Variants in ANKS1B observed in about 807,000 individuals in gnomAD.
ANKS1B encodes the protein ankyrin repeat and sterile alpha motif domain containing 1B.
Under a neutral mutation model 148.3 loss-of-function variants are expected in ANKS1B, and 36 were observed. The observed-to-expected ratio is 0.24, with a 90% CI of 0.19 to 0.32. The LOEUF (loss-of-function observed/expected upper bound fraction) is 0.32, where lower values mean the gene tolerates loss of function less well. ANKS1B is among the 10% of genes least tolerant of loss of function. ANKS1B has a pLI of 1.00. For synonymous variants in ANKS1B, 542 were observed against 560.8 expected (o/e 0.97, Z 0.47); for missense variants, 1,157 against 1,542.6 (o/e 0.75, Z 4.19).
chr12:99,582,911 T>C (rs775651470), intron 9 of ANKS1B, among the ~76,000 whole-genome samples: 1 of 152,188 alleles, frequency 6.6e-6, no homozygotes, highest in African/African-American at 2.4e-5. Context: ...TTGATGGCTA[T>C]ATTTTACAAA....
intron 9 of ANKS1B, among the ~76,000 whole-genome samples, chr12:99,610,200 C>G (rs1017527218): frequency 3.3e-5 from 5 of 152,118 alleles, no homozygotes; most frequent in African/African-American, 1.2e-4. Context: ...AAGAGGAAAA[C>G]TGTCCATTTT....
chr12:98,852,628 G>A (rs2099536161), intron 17 of ANKS1B, among the ~76,000 whole-genome samples: 1 of 152,132 alleles, frequency 6.6e-6, no homozygotes. Flanking sequence ...CACGGACTAT[G>A]AGTTTGATAT....
chr12:99,815,506 A>G (rs535669247), intron 2 of ANKS1B, among the ~76,000 whole-genome samples: 2 of 151,532 alleles, frequency 1.3e-5, no homozygotes, highest in Admixed American at 1.3e-4. Flanking sequence ...TTTTATTTCA[A>G]TAGTTTTTGG....
chr12:99,475,408 A>T (rs9988970), intron 10 of ANKS1B, among the ~76,000 whole-genome samples: 1,611 of 151,916 alleles, frequency 0.011, 31 homozygotes, highest in African/African-American at 0.037. Flanking sequence ...AATGGGAAAA[A>T]AAATTCTTTC....
intron 10 of ANKS1B, among the ~76,000 whole-genome samples, chr12:99,465,167 C>T (rs1350031987): frequency 3.3e-5 from 5 of 152,234 alleles, no homozygotes; most frequent in Non-Finnish European, 7.4e-5. Flanking sequence ...AATTTTCAAC[C>T]CAGAATTTCA....
At chr12:99,766,114 T>C (rs1377631386) in intron 8 of ANKS1B, among the ~76,000 whole-genome samples, 3 of 152,222 alleles carry the variant, frequency 2.0e-5, no homozygotes, top group African/African-American at 7.2e-5. Context: ...GCAATGATAA[T>C]GGTTCATTTG....
intron 24 of ANKS1B, among the ~76,000 whole-genome samples, chr12:98,779,532 T>G (rs2098713500): frequency 6.6e-6 from 1 of 152,120 alleles, no homozygotes; most frequent in South Asian, 2.1e-4. Flanking sequence ...ATTCATCCAC[T>G]GAAAATATAC....
At chr12:99,363,129 C>A (rs1247420596) in intron 12 of ANKS1B, among the ~76,000 whole-genome samples, 1 of 151,936 alleles carries the variant, frequency 6.6e-6, no homozygotes, top group Non-Finnish European at 1.5e-5. Flanking sequence ...AAGACTCCTT[C>A]CTCTACTTAG....
chr12:99,079,153 CCA>C (rs1440125217), intron 16 of ANKS1B, among the ~76,000 whole-genome samples: 17 of 152,122 alleles, frequency 1.1e-4, no homozygotes, highest in Admixed American at 5.2e-4. Flanking sequence ...TCTGAAAGAT[CCA>C]GAGACAGAGG....
rs12580241 is a variant in ANKS1B at position 99,388,534 on chromosome 12, G to A, written c.1756+11097C>T. Among the ~76,000 whole-genome samples the A allele has an allele frequency of 3.8e-3, 580 of 152,300 alleles. 37 individuals carry two copies. In the East Asian group the frequency reaches 0.086, roughly 23 times the overall value. ...GACAGACACTCTCTTTCCAAAATCA[G>A]AGGAGCATGGGATATGTTTGTTTTC... On this transcript the variant is annotated intron_variant, in intron 12 of 26. Coordinates refer to ENST00000683438, the MANE Select transcript of ANKS1B (RefSeq NM_001352186.2).
At chr12:99,928,434 G>A (rs59169773) in intron 1 of ANKS1B, among the ~76,000 whole-genome samples, 1,566 of 150,398 alleles carry the variant, frequency 0.01, 33 homozygotes, top group African/African-American at 0.036. Context: ...GCCCGCCACC[G>A]CGCCCGGCTA....
chr12:99,235,697 A>G (rs1323772684), intron 14 of ANKS1B, among the ~76,000 whole-genome samples: 3 of 152,206 alleles, frequency 2.0e-5, no homozygotes, highest in African/African-American at 7.2e-5. Context: ...TGAAATTTTG[A>G]GAATTGTTTC....
At chr12:99,484,912 G>A (rs1334709625) in intron 10 of ANKS1B, among the ~76,000 whole-genome samples, 1 of 150,966 alleles carries the variant, frequency 6.6e-6, no homozygotes, top group Non-Finnish European at 1.5e-5. Context: ...CTTCCACAAG[G>A]ATTCATATAA....
chr12:99,527,668 C>A (rs1256214655), intron 9 of ANKS1B, among the ~76,000 whole-genome samples: 1 of 152,104 alleles, frequency 6.6e-6, no homozygotes, highest in Non-Finnish European at 1.5e-5. Context: ...GAGTCAGAAT[C>A]CCAACTCTGC....
chr12:98,885,590 G>A (rs1178391820), intron 17 of ANKS1B, among the ~76,000 whole-genome samples: 2 of 152,160 alleles, frequency 1.3e-5, no homozygotes, highest in African/African-American at 4.8e-5. Flanking sequence ...AGATTATCTC[G>A]AGGATAGCTA....
intron 17 of ANKS1B, chr12:98,895,100 G>T (rs1439534228): frequency 2.9e-5 from 28 of 981,900 alleles, no homozygotes; most frequent in Non-Finnish European, 3.0e-5. Flanking sequence ...AGGCGGGGGG[G>T]AGGTGTCGGC....
chr12:99,530,406 T>C (rs1204668018), intron 9 of ANKS1B, among the ~76,000 whole-genome samples: 1 of 152,046 alleles, frequency 6.6e-6, no homozygotes, highest in East Asian at 1.9e-4. Context: ...CAGTTTCTGC[T>C]CCCAAGTTTA....
At chr12:99,072,686 C>T (rs1468060885) in intron 16 of ANKS1B, among the ~76,000 whole-genome samples, 1 of 152,184 alleles carries the variant, frequency 6.6e-6, no homozygotes, top group Non-Finnish European at 1.5e-5. Flanking sequence ...TAAGCCGCCT[C>T]AGTATGAATT....
At chr12:99,697,342 T>C (rs1951139718) in intron 8 of ANKS1B, among the ~76,000 whole-genome samples, 1 of 152,178 alleles carries the variant, frequency 6.6e-6, no homozygotes, top group African/African-American at 2.4e-5. Context: ...AAAATGTCTT[T>C]CAGTCAGTGG....
Sources: allele counts gnomAD v4.1 joint callset (sites outside exome capture counted in the v4.1 genomes callset), GRCh38; gene constraint gnomAD v4.1.1; transcripts MANE v1.5; gene names NCBI Gene and HGNC (gene_info 2026-07-23, HGNC 2026-07-21).